The following RBFOX1 variants were observed in gnomAD, a reference collection of about 807,000 sequenced individuals.
The protein encoded by RBFOX1 is RNA binding fox-1 homolog 1.
RBFOX1 carries 8 observed loss-of-function variants against 57.7 expected under a neutral mutation model. The ratio of observed to expected loss-of-function variants is 0.14; its 90% CI spans 0.08 to 0.25. The LOEUF (loss-of-function observed/expected upper bound fraction) is 0.25, where lower values mean the gene tolerates loss of function less well. RBFOX1 is among the 10% of genes least tolerant of loss of function. The pLI is 1.00. For synonymous variants in RBFOX1, 326 were observed against 222.4 expected (o/e 1.47, Z -4.15); for missense variants, 611 against 548.5 (o/e 1.11, Z -1.14).
chr16:5,903,566 CA>C (rs1162164308), intron 4 of RBFOX1, among the ~76,000 whole-genome samples: 7 of 152,122 alleles, frequency 4.6e-5, no homozygotes, highest in Non-Finnish European at 1.0e-4. Context: ...AGGGGCCAGC[CA>C]GACAAAAACA....
chr16:6,915,760 C>G (rs1368577551), intron 3 of RBFOX1, among the ~76,000 whole-genome samples: 1 of 152,056 alleles, frequency 6.6e-6, no homozygotes, highest in Non-Finnish European at 1.5e-5. Flanking sequence ...CCATGTTGCC[C>G]ATGCTGCCCT....
intron 2 of RBFOX1, among the ~76,000 whole-genome samples, chr16:5,559,762 A>G (rs2045823954): frequency 6.6e-6 from 1 of 151,534 alleles, no homozygotes; most frequent in Admixed American, 6.6e-5. Context: ...AGTGATAACC[A>G]CTCCCCTCAT....
intron 4 of RBFOX1, among the ~76,000 whole-genome samples, chr16:5,904,317 C>G (rs1172032870): frequency 6.6e-6 from 1 of 152,064 alleles, no homozygotes; most frequent in Non-Finnish European, 1.5e-5. Context: ...CAGCAGAATA[C>G]AAAGCTTCCC....
chr16:7,550,320 T>C (rs1399977274), intron 5 of RBFOX1, among the ~76,000 whole-genome samples: 1 of 151,626 alleles, frequency 6.6e-6, no homozygotes, highest in Non-Finnish European at 1.5e-5. Flanking sequence ...TCTGGAATCC[T>C]CTGCCCGTGA....
At chr16:6,545,173 C>G (rs111258092) in intron 2 of RBFOX1, among the ~76,000 whole-genome samples, 2,763 of 152,254 alleles carry the variant, frequency 0.018, 83 homozygotes, top group African/African-American at 0.062. Flanking sequence ...CCAAACTACC[C>G]GCATCTGGAC....
At chr16:5,892,075 A>G (rs1232686879) in intron 4 of RBFOX1, among the ~76,000 whole-genome samples, 1 of 152,224 alleles carries the variant, frequency 6.6e-6, no homozygotes, top group African/African-American at 2.4e-5. Context: ...ATCAGTGAGC[A>G]CAATAGTGTT....
chr16:7,259,247 G>A (rs1030307394), intron 4 of RBFOX1, among the ~76,000 whole-genome samples: 1 of 152,084 alleles, frequency 6.6e-6, no homozygotes, highest in African/African-American at 2.4e-5. Flanking sequence ...ACTGAAGGAA[G>A]GAAGGCTTTC....
intron 3 of RBFOX1, among the ~76,000 whole-genome samples, chr16:7,024,824 G>C (rs1156374005): frequency 6.6e-6 from 1 of 152,148 alleles, no homozygotes; most frequent in Non-Finnish European, 1.5e-5. Flanking sequence ...TGTTAACCAC[G>C]ATGGTTCTCA....
intron 4 of RBFOX1, among the ~76,000 whole-genome samples, chr16:7,261,506 C>T (rs1324903253): frequency 1.3e-5 from 2 of 152,106 alleles, no homozygotes; most frequent in Admixed American, 6.5e-5. Flanking sequence ...AAAGGGAACA[C>T]TTGATCAGCA....
At chr16:6,879,076 T>C (rs962739522) in intron 3 of RBFOX1, among the ~76,000 whole-genome samples, 1 of 152,236 alleles carries the variant, frequency 6.6e-6, no homozygotes, top group African/African-American at 2.4e-5. Flanking sequence ...TTAAGAAGTT[T>C]TCAGAAAGCC....
chr16:6,982,356 T>A (rs930925442), intron 3 of RBFOX1, among the ~76,000 whole-genome samples: 8 of 152,176 alleles, frequency 5.3e-5, no homozygotes, highest in African/African-American at 1.9e-4. Flanking sequence ...CATTTTGACT[T>A]TTGTTGGTTT....
At chr16:7,039,548 C>T (rs1473670364) in intron 3 of RBFOX1, among the ~76,000 whole-genome samples, 1 of 152,128 alleles carries the variant, frequency 6.6e-6, no homozygotes, top group Admixed American at 6.5e-5. Context: ...TTCTCACCTC[C>T]TTTCCTGAAA....
intron 4 of RBFOX1, among the ~76,000 whole-genome samples, chr16:7,236,075 C>T: frequency 6.6e-6 from 1 of 152,174 alleles, no homozygotes; most frequent in East Asian, 1.9e-4. Context: ...TATTGTCTAT[C>T]TGGACTTAGC....
At chr16:6,746,152 A>G (rs1363915129) in intron 3 of RBFOX1, among the ~76,000 whole-genome samples, 1 of 152,150 alleles carries the variant, frequency 6.6e-6, no homozygotes, top group African/African-American at 2.4e-5. Flanking sequence ...ACAGGCCAAT[A>G]TCGTGTGTAG....
chr16:5,324,421 A>C (rs1878539), intron 1 of RBFOX1, among the ~76,000 whole-genome samples: 152,188 of 152,272 alleles, frequency 1, 76,052 homozygotes, highest in Middle Eastern at 1. Context: ...CAAGATCACG[A>C]CACTGCACTC....
intron 4 of RBFOX1, among the ~76,000 whole-genome samples, chr16:7,517,220 G>GA (rs1447422920): frequency 1.3e-5 from 2 of 151,034 alleles, no homozygotes; most frequent in African/African-American, 4.9e-5. Flanking sequence ...GAGGTAAAGA[G>GA]AGAGAGCTGT....
chr16:6,720,637 C>T (rs764998480), intron 3 of RBFOX1, among the ~76,000 whole-genome samples: 5 of 151,906 alleles, frequency 3.3e-5, no homozygotes, highest in South Asian at 2.1e-4. Context: ...GAGAAAGAGA[C>T]GTGTCGGGAG....
At chr16:5,999,031 C>T (rs146866714) in intron 4 of RBFOX1, among the ~76,000 whole-genome samples, 1 of 152,280 alleles carries the variant, frequency 6.6e-6, no homozygotes, top group African/African-American at 2.4e-5. Context: ...CTGAACACTC[C>T]ATTAATCACA....
At chr16:6,624,060 G>A (rs1012644222) in intron 2 of RBFOX1, among the ~76,000 whole-genome samples, 1 of 152,100 alleles carries the variant, frequency 6.6e-6, no homozygotes, top group Non-Finnish European at 1.5e-5. Flanking sequence ...GTCCCTGTTA[G>A]GTGAAAATTC....
Sources: gnomAD v4.1 joint callset for allele counts (sites outside exome capture counted in the v4.1 genomes callset) on GRCh38, gnomAD v4.1.1 for gene constraint, MANE v1.5 for transcripts, NCBI Gene and HGNC (gene_info 2026-07-23, HGNC 2026-07-21) for gene names.